NPM2: variants seen among roughly 807,000 people sequenced by gnomAD.
NPM2 encodes the protein nucleoplasmin-2.
In NPM2, 25 loss-of-function variants were observed where a neutral mutation model predicts 32.0. The ratio of observed to expected loss-of-function variants is 0.78; its 90% CI spans 0.57 to 1.09. NPM2 has a LOEUF of 1.09. NPM2 is among the 50% of genes least tolerant of loss of function. NPM2 has a pLI of 0.00. For missense variants in NPM2, 282 were observed against 259.9 expected, an observed-to-expected ratio of 1.08 and a Z score of -0.58; for synonymous variants, 111 against 94.2, an observed-to-expected ratio of 1.18 and a Z score of -1.04.
chr8:22,028,014 C>T (rs372661905), intron 5 of NPM2, among the ~76,000 whole-genome samples: 1 of 152,208 alleles, frequency 6.6e-6, no homozygotes, highest in African/African-American at 2.4e-5. Context: ...CCTGCTACCC[C>T]TGGTACAGGT....
At position 22,034,207 on chromosome 8, in the gene NPM2, C is replaced by T; in HGVS notation, c.463C>T (p.Leu155=). 1 of 1,612,472 alleles carries T rather than the reference C, an allele frequency of 6.2e-7. No homozygotes were observed. Among genetic ancestry groups the T allele is most frequent in the Non-Finnish European group, 8.5e-7 (1 of 1,179,332 alleles). The stretch of plus-strand genomic sequence containing the variant: ...TGAGGATGAGGATGCAGATATATCT[C>T]TGGAGGAGCAAAGCCCTGTCAAACA... ...DDEDEDADIS[L]EEQSPVKQVK... Residue 155 remains leucine (L), a synonymous_variant, in exon 7 of 10, where the codon CTG becomes TTG. Coordinates refer to ENST00000518119, the MANE Select transcript of NPM2 (RefSeq NM_001286680.2).
At position 22,034,495 on chromosome 8, in the gene NPM2, T is replaced by G; in HGVS notation, c.532-15T>G. 6.2e-7 allele frequency: 1 copy of G among 1,607,418 alleles called. No homozygotes were observed. Among genetic ancestry groups the G allele is most frequent in the Non-Finnish European group, 8.5e-7 (1 of 1,174,456 alleles). On this transcript the variant is annotated splice_polypyrimidine_tract_variant and intron_variant, in intron 7 of 9. Coordinates refer to ENST00000518119, the MANE Select transcript of NPM2 (RefSeq NM_001286680.2). ...TTGTCTGAACTCTCATAATACACTG[T>G]TTTTTGGTTCCCAGAAAAAAAAGCT...
At chr8:22,025,893 C>A in intron 5 of NPM2, 121 bp downstream of exon 5, 1 of 1,404,368 alleles carries the variant, frequency 7.1e-7, no homozygotes, top group Non-Finnish European at 9.8e-7. Flanking sequence ...GGAGGTAGCA[C>A]AGCCCATGCA....
Position 22,036,486 on chromosome 8 carries a change from G to A in NPM2, c.567-7G>A, listed in dbSNP as rs2117470665. ...TCCCACTCCTGCTCCGCTCCACCCT[G>A]TTGCAGAGCCAGCGTTAGAGACAAG... On this transcript the variant is annotated splice_region_variant and splice_polypyrimidine_tract_variant and intron_variant, in intron 8 of 9. Transcript: ENST00000518119. The A allele has an allele frequency of 6.2e-7, 1 of 1,604,660 alleles. No homozygotes were observed. The highest frequency in any genetic ancestry group is 1.1e-5 in the South Asian group (1 of 88,854).
Position 22,025,291 on chromosome 8 carries a change from A to C in NPM2, c.43A>C (p.Thr15Pro), listed in dbSNP as rs570116618. Residue 15 changes from threonine to proline, a missense_variant, in exon 3 of 10, where the codon ACG becomes CCG. By Grantham distance (38) the Thr-to-Pro change is conservative (BLOSUM62 -1). Coordinates refer to ENST00000518119, the MANE Select transcript of NPM2 (RefSeq NM_001286680.2). ...SASSTEEKAV[T>P]TVLWGCELSQ... ...CAGTAGCACGGAGGAAAAGGCAGTGACGACCGTGCTCTGGGGTGAGTGGGG... is the reference window on the plus strand; with the variant it reads ...CAGTAGCACGGAGGAAAAGGCAGTGCCGACCGTGCTCTGGGGTGAGTGGGG... 2 of 1,610,750 alleles carry C rather than the reference A, an allele frequency of 1.2e-6. No homozygotes were observed.
chr8:22,027,116 C>T (rs1157268194), intron 5 of NPM2, among the ~76,000 whole-genome samples: 1 of 152,108 alleles, frequency 6.6e-6, no homozygotes, highest in East Asian at 1.9e-4. Context: ...ATTTGTTTTA[C>T]TCATATATTG....
chr8:22,031,429 C>G (rs1453031893), intron 5 of NPM2, among the ~76,000 whole-genome samples: 1 of 152,144 alleles, frequency 6.6e-6, no homozygotes, highest in Admixed American at 6.6e-5. Flanking sequence ...TGTCTCCTGA[C>G]TGTGAAGATT....
intron 5 of NPM2, among the ~76,000 whole-genome samples, chr8:22,032,111 T>A (rs2117460160): frequency 6.6e-6 from 1 of 152,300 alleles, no homozygotes; most frequent in East Asian, 1.9e-4. Context: ...ATGGGTTTCT[T>A]GTGAGGATTT....
At chr8:22,034,682 T>C in intron 8 of NPM2, 138 bp downstream of exon 8, 17 of 688,926 alleles carry the variant, frequency 2.5e-5, no homozygotes, top group Non-Finnish European at 3.7e-5. Flanking sequence ...CACATGGGTA[T>C]GGAAGTGCTG....
chr8:22,025,208 C>T lies in NPM2; in HGVS notation c.-33-8C>T. The T allele has an allele frequency of 6.2e-7, 1 of 1,601,032 alleles. No individual in the cohort carries two copies. The highest frequency in any genetic ancestry group is 8.5e-7 in the Non-Finnish European group (1 of 1,176,050). On this transcript the variant is annotated splice_polypyrimidine_tract_variant and splice_region_variant and intron_variant, in intron 2 of 9. Transcript: ENST00000518119. ...GAGCAAGGCCTCACGCGGGCGCCCT[C>T]CTTGCAGCTGCCCGGCCAGCCCGCT...
intron 7 of NPM2, 72 bp downstream of exon 7, chr8:22,034,347 C>A (rs562496939): frequency 1.4e-6 from 2 of 1,476,000 alleles, no homozygotes; most frequent in African/African-American, 2.8e-5. Context: ...GGTGGGCCAC[C>A]GGGAGCCTGG....
In NPM2 at chr8:22,029,442, C is replaced by A. The variant is rs535510661; in HGVS notation, c.270+3670C>A. ...TATAGGTGTGAGCTACCGCACCTGG[C>A]CTGATTCTCATCTTTTTAACTTCAA... On this transcript the variant is annotated intron_variant, in intron 5 of 9. Transcript: ENST00000518119. Among the ~76,000 whole-genome samples, 28 of 152,314 alleles carry A rather than the reference C, an allele frequency of 1.8e-4. No homozygotes were observed. In the South Asian group the frequency reaches 5.8e-3, roughly 32 times the overall value.
chr8:22,036,704 C>A lies in NPM2; in HGVS notation c.*22C>A. On this transcript the variant is annotated 3_prime_UTR_variant, in exon 10 of 10. Transcript: ENST00000518119. ...ATGAGGAGCCACGCCTTGGGGGGCA[C>A]GGTGCAAAGTGGGCCTTCCCTGGGC... 6.5e-7 allele frequency: 1 copy of A among 1,542,696 alleles called. No individual in the cohort carries two copies. Among genetic ancestry groups the A allele is most frequent in the Non-Finnish European group, 8.7e-7 (1 of 1,144,842 alleles).
chr8:22,036,852 G>C lies in NPM2; in HGVS notation c.*170G>C. ...ACTCTCCACTTTCAGGAGGCCCCCA[G>C]TGAAGAGCCCCACCTCGGGGTCACA... On this transcript the variant is annotated 3_prime_UTR_variant, in exon 10 of 10. Coordinates refer to ENST00000518119, the MANE Select transcript of NPM2 (RefSeq NM_001286680.2). The C allele has an allele frequency of 1.6e-6, 1 of 639,846 alleles. No individual in the cohort carries two copies. The highest frequency in any genetic ancestry group is 2.6e-6 in the Non-Finnish European group (1 of 386,060). 39.6% of individuals were successfully genotyped at this position (639,846 alleles called of 1,614,324 possible). A position where few individuals can be genotyped will look rare whatever the true frequency, so the allele number is the denominator to read the frequency against.
At position 22,025,702 on chromosome 8, in the gene NPM2, C is replaced by A; in HGVS notation, c.200C>A (p.Pro67Gln). 1 of 1,614,124 alleles carries A rather than the reference C, an allele frequency of 6.2e-7. No individual in the cohort carries two copies. The highest frequency in any genetic ancestry group is 8.5e-7 in the Non-Finnish European group (1 of 1,179,990). Residue 67 changes from proline to glutamine, a missense_variant, in exon 5 of 10, where the codon CCA becomes CAA. Pro to Gln is a moderately conservative substitution (Grantham distance 76). Coordinates refer to ENST00000518119, the MANE Select transcript of NPM2 (RefSeq NM_001286680.2). ...EEMHRVEILP[P>Q]ANQEDKKMQP... ...ATGCATCGCGTGGAGATCCTGCCCC[C>A]AGCAAACCAGGAGGACAAGAAGATG...
In NPM2 at chr8:22,033,177, C is replaced by G; in HGVS notation, c.318C>G (p.Leu106=). ...TTTCTCCCCCAGTTACTTTCCAGCTCCGGGCTGGCTCAGGACCCGTGTTCC... is the reference window on the plus strand; with the variant it reads ...TTTCTCCCCCAGTTACTTTCCAGCTGCGGGCTGGCTCAGGACCCGTGTTCC... ...VQLSPPVTFQ[L]RAGSGPVFLS... The change falls in exon 6 of 10, where the codon CTC becomes CTG. Residue 106 remains leucine, a synonymous_variant. Coordinates refer to ENST00000518119, the MANE Select transcript of NPM2 (RefSeq NM_001286680.2). 6 of 1,614,136 alleles carry G rather than the reference C, an allele frequency of 3.7e-6. No homozygotes were observed. Among genetic ancestry groups the G allele is most frequent in the Non-Finnish European group, 5.1e-6 (6 of 1,180,028 alleles).
intron 3 of NPM2, 59 bp from the exon 4 acceptor site, chr8:22,025,377 T>A (rs1585505208): frequency 4.4e-6 from 7 of 1,604,240 alleles, no homozygotes; most frequent in Non-Finnish European, 6.0e-6. Context: ...GGGGCGCAGG[T>A]GAGCCCCTCC....
chr8:22,027,517 A>G (rs1305943389), intron 5 of NPM2, among the ~76,000 whole-genome samples: 3 of 151,950 alleles, frequency 2.0e-5, no homozygotes, highest in African/African-American at 7.3e-5. Flanking sequence ...CACATATTCA[A>G]TTTTTATCTC....
chr8:22,031,786 T>C (rs1800450938), intron 5 of NPM2, among the ~76,000 whole-genome samples: 1 of 152,222 alleles, frequency 6.6e-6, no homozygotes, highest in Non-Finnish European at 1.5e-5. Flanking sequence ...CCTGGCTGTT[T>C]TCAGGTCCAT....
Sources: gnomAD v4.1 joint callset for allele counts (sites outside exome capture counted in the v4.1 genomes callset) on GRCh38, gnomAD v4.1.1 for gene constraint, MANE v1.5 for transcripts, NCBI Gene and HGNC (gene_info 2026-07-23, HGNC 2026-07-21) for gene names.